The following CFAP61 variants were observed in gnomAD, a reference collection of about 807,000 sequenced individuals.
The protein encoded by CFAP61 is cilia- and flagella-associated protein 61.
Under a neutral mutation model 135.6 loss-of-function variants are expected in CFAP61, and 107 were observed. The ratio of observed to expected loss-of-function variants is 0.79; its 90% CI spans 0.67 to 0.93. CFAP61 has a LOEUF of 0.93. Ranked by LOEUF, CFAP61 falls within the 40% of genes least tolerant of loss-of-function variation. The probability of loss-of-function intolerance (pLI) is 0.00; values close to 1 mark genes in which losing one functional copy is unlikely to be tolerated. For synonymous variants in CFAP61, 575 were observed against 578.5 expected, an observed-to-expected ratio of 0.99 and a Z score of 0.09; for missense variants, 1,507 against 1,556.2, an observed-to-expected ratio of 0.97 and a Z score of 0.53.
intron 19 of CFAP61, among the ~76,000 whole-genome samples, chr20:20,249,829 A>T (rs889401808): frequency 2.6e-5 from 4 of 152,162 alleles, no homozygotes; most frequent in African/African-American, 9.7e-5. Flanking sequence ...CACTAACTGT[A>T]TTTAACTTTT....
intron 16 of CFAP61, among the ~76,000 whole-genome samples, chr20:20,198,845 C>T (rs866501097): frequency 6.6e-6 from 1 of 152,168 alleles, no homozygotes. Flanking sequence ...CATAGGTAAA[C>T]CATCTATTTA....
chr20:20,272,190 A>G (rs972091734), intron 21 of CFAP61, among the ~76,000 whole-genome samples: 2 of 152,322 alleles, frequency 1.3e-5, no homozygotes, highest in Middle Eastern at 3.4e-3. Context: ...CTATAATCTT[A>G]GCACTTTGGG....
At chr20:20,277,762 G>T (rs570765666) in intron 22 of CFAP61, among the ~76,000 whole-genome samples, 1 of 151,920 alleles carries the variant, frequency 6.6e-6, no homozygotes, top group South Asian at 2.1e-4. Context: ...TCATGCGGCT[G>T]AAGTCAGCAG....
rs547834668 is a variant in CFAP61, at chr20:20,222,841, G to A, written c.1933-5408G>A. On this transcript the variant is annotated intron_variant, in intron 17 of 26. Transcript: ENST00000245957. ...CTTTGAGCCGCACCACTGTAAATCTGTCATAATTTGTTTTGCTCAAATTGG... is the reference window on the plus strand; with the variant it reads ...CTTTGAGCCGCACCACTGTAAATCTATCATAATTTGTTTTGCTCAAATTGG... 2.1e-3 allele frequency among the ~76,000 whole-genome samples: 318 copies of A among 152,228 alleles called. 1 individual carries two copies. The highest frequency in any genetic ancestry group is 3.4e-3 in the Non-Finnish European group (230 of 68,022).
At chr20:20,169,487 A>G (rs373302573) in intron 13 of CFAP61, 27 bp downstream of exon 13, 35 of 1,554,194 alleles carry the variant, frequency 2.3e-5, no homozygotes, top group Non-Finnish European at 3.0e-5. Flanking sequence ...TTGGCCACAC[A>G]ACAATCCATG....
Position 20,166,413 on chromosome 20 carries a change from A to T in CFAP61, c.1222A>T (p.Asn408Tyr), listed in dbSNP as rs1279009669. The T allele has an allele frequency of 6.2e-7, 1 of 1,613,780 alleles. No individual in the cohort carries two copies. The highest frequency in any genetic ancestry group is 8.5e-7 in the Non-Finnish European group (1 of 1,179,790). ...KYEARSLDFM[N>Y]FVFSLFSDKN... ...TGTTTACAGGTCGCTGGATTTTATG[A>T]ATTTTGTTTTCAGTCTTTTTTCTGT... Residue 408 changes from asparagine (N) to tyrosine (Y), a missense_variant, in exon 12 of 27, where the codon AAT (asparagine) becomes TAT (tyrosine). Physicochemically the swap from Asn to Tyr is moderately radical, Grantham distance 143. Coordinates refer to ENST00000245957, the MANE Select transcript of CFAP61 (RefSeq NM_015585.4).
intron 8 of CFAP61, among the ~76,000 whole-genome samples, chr20:20,114,912 T>G (rs1568934081): frequency 6.6e-6 from 1 of 152,204 alleles, no homozygotes; most frequent in South Asian, 2.1e-4. Context: ...GCTAAGAGTT[T>G]TATTAGGAAT....
In CFAP61 at chr20:20,169,327, A is replaced by G. The variant is rs2146822053; in HGVS notation, c.1252A>G (p.Asn418Asp). The G allele has an allele frequency of 1.9e-6, 3 of 1,613,436 alleles. No individual in the cohort carries two copies. The highest frequency in any genetic ancestry group is 2.5e-6 in the Non-Finnish European group (3 of 1,179,666). Residue 418 changes from asparagine (N) to aspartate (D), a missense_variant, in exon 13 of 27, where the codon AAC becomes GAC. Physicochemically the swap from Asn to Asp is conservative, Grantham distance 23. Coordinates refer to ENST00000245957, the MANE Select transcript of CFAP61 (RefSeq NM_015585.4). ...NFVFSLFSDK[N>D]FCVISLPHLT... ...TGGTTTTTGATGATGTTAGGATAAGAACTTCTGTGTAATTTCTCTGCCCCA... is the reference window on the plus strand; with the variant it reads ...TGGTTTTTGATGATGTTAGGATAAGGACTTCTGTGTAATTTCTCTGCCCCA...
intron 24 of CFAP61, among the ~76,000 whole-genome samples, chr20:20,292,851 C>A (rs982401198): frequency 6.6e-6 from 1 of 151,934 alleles, no homozygotes; most frequent in African/African-American, 2.4e-5. Context: ...CTCAAAAGTC[C>A]CACAGCATCA....
chr20:20,131,924 TG>T (rs1341344122), intron 8 of CFAP61, among the ~76,000 whole-genome samples: 2 of 152,126 alleles, frequency 1.3e-5, no homozygotes, highest in African/African-American at 2.4e-5. Flanking sequence ...GGAATGTTCT[TG>T]TTTTTTTATT....
chr20:20,088,809 A>G (rs1187024551), intron 6 of CFAP61, among the ~76,000 whole-genome samples: 1 of 152,078 alleles, frequency 6.6e-6, no homozygotes, highest in East Asian at 1.9e-4. Flanking sequence ...TAGACCAGAG[A>G]CCTGGCTTTT....
rs561233684 is a variant in CFAP61 at position 20,128,414 on chromosome 20, C to G, written c.860-14443C>G. On this transcript the variant is annotated intron_variant, in intron 8 of 26. Coordinates refer to ENST00000245957, the MANE Select transcript of CFAP61 (RefSeq NM_015585.4). ...CTCAGCTCTCTAAATTGACTCAGCT[C>G]CAGGTAAGGTCAGAAATTTCTCCCA... Among the ~76,000 whole-genome samples, 4 of 151,752 alleles carry G rather than the reference C, an allele frequency of 2.6e-5. 1 individual carries two copies. Among genetic ancestry groups the G allele is most frequent in the South Asian group, 4.2e-4 (2 of 4,806 alleles).
intron 8 of CFAP61, among the ~76,000 whole-genome samples, chr20:20,114,007 G>A (rs2048972587): frequency 6.9e-6 from 1 of 144,192 alleles, no homozygotes; most frequent in Admixed American, 7.1e-5. Flanking sequence ...CATGGCTCAT[G>A]CCTGTAATTC....
chr20:20,057,310 T>G (rs1159175927), intron 2 of CFAP61, among the ~76,000 whole-genome samples: 1 of 152,054 alleles, frequency 6.6e-6, no homozygotes, highest in Non-Finnish European at 1.5e-5. Flanking sequence ...ATCAAAAAGG[T>G]TTCTCATGGG....
Position 20,246,168 on chromosome 20 carries a change from A to G in CFAP61, c.2112A>G (p.Pro704=), listed in dbSNP as rs752641390. 2.4e-5 allele frequency: 39 copies of G among 1,613,798 alleles called. 2 individuals are homozygous for G. In the South Asian group the frequency reaches 4.1e-4, roughly 17 times the overall value. ...CCCTGATTTCAACTCATGGACTCCC[A>G]GGAAAAAAACTTCTGGACACTGAAC... is the stretch of plus-strand genomic sequence containing the variant. The part of the protein sequence containing the change: ...NLTLISTHGL[P]GKKLLDTEQR... The change falls in exon 19 of 27, where the codon CCA becomes CCG. Residue 704 remains proline (P), a synonymous_variant. Coordinates refer to ENST00000245957, the MANE Select transcript of CFAP61 (RefSeq NM_015585.4).
chr20:20,078,193 T>G (rs1194189289), intron 6 of CFAP61, among the ~76,000 whole-genome samples: 1 of 152,246 alleles, frequency 6.6e-6, no homozygotes, highest in East Asian at 1.9e-4. Flanking sequence ...AAAGGGAAAG[T>G]ATAATGAGGC....
At chr20:20,258,027 A>G (rs532606842) in intron 20 of CFAP61, among the ~76,000 whole-genome samples, 86 of 152,362 alleles carry the variant, frequency 5.6e-4, no homozygotes, top group African/African-American at 1.6e-3. Flanking sequence ...GAAGGTGTAA[A>G]CCAGAATGAC....
chr20:20,130,946 G>A (rs796995323), intron 8 of CFAP61, among the ~76,000 whole-genome samples: 3 of 151,896 alleles, frequency 2.0e-5, no homozygotes, highest in African/African-American at 7.3e-5. Flanking sequence ...ATGAGTTGAG[G>A]CAGGAACCGA....
intron 8 of CFAP61, among the ~76,000 whole-genome samples, chr20:20,142,168 G>A (rs1194793178): frequency 1.3e-5 from 2 of 152,164 alleles, no homozygotes; most frequent in African/African-American, 2.4e-5. Flanking sequence ...TAGACAAAAT[G>A]GGAAATTTTT....
Sources: gnomAD v4.1 joint callset for allele counts (sites outside exome capture counted in the v4.1 genomes callset) on GRCh38, gnomAD v4.1.1 for gene constraint, MANE v1.5 for transcripts, NCBI Gene and HGNC (gene_info 2026-07-23, HGNC 2026-07-21) for gene names.